The following KIF13A variants were observed in gnomAD, a reference collection of about 807,000 sequenced individuals.
KIF13A encodes the protein kinesin-like protein KIF13A.
In KIF13A, 79 loss-of-function variants were observed where a neutral mutation model predicts 212.2. The observed-to-expected ratio is 0.37, with a 90% CI of 0.31 to 0.45. The LOEUF is 0.45. KIF13A is among the 20% of genes least tolerant of loss of function. KIF13A has a pLI of 1.00. For synonymous variants in KIF13A, 789 were observed against 808.6 expected, an observed-to-expected ratio of 0.98 and a Z score of 0.41; for missense variants, 1,901 against 2,209.0, an observed-to-expected ratio of 0.86 and a Z score of 2.79.
At chr6:17,882,361 AT>A (rs149040773) in intron 3 of KIF13A, among the ~76,000 whole-genome samples, 1 of 152,128 alleles carries the variant, frequency 6.6e-6, no homozygotes, top group Non-Finnish European at 1.5e-5. Context: ...AAGAAAAGTA[AT>A]TTTTTTCCCT....
chr6:17,898,193 A>G lies in KIF13A; in HGVS notation c.147-13T>C, dbSNP rs201108626. 68 of 1,506,280 alleles carry G rather than the reference A, an allele frequency of 4.5e-5. No individual in the cohort carries two copies. The East Asian group carries it at 1.0e-3, about 23-fold the overall frequency. The allele number at this position is 1,506,280 out of a possible 1,614,324, so 93.3% of individuals were successfully genotyped here. A position where few individuals can be genotyped will look rare whatever the true frequency, so the allele number is the denominator to read the frequency against. On this transcript the variant is annotated splice_polypyrimidine_tract_variant and intron_variant, in intron 2 of 38. Transcript: ENST00000259711. The surrounding 1 kb of genome is among the most constrained non-coding windows in gnomAD (Gnocchi z 5.2). ...CTTGGGAGGTTTCCTTAATGATGGG[A>G]AAAAAAAAATTCAGCAGCAGGGATA...
chr6:17,974,166 C>T (rs1780064523), intron 2 of KIF13A, among the ~76,000 whole-genome samples: 1 of 152,176 alleles, frequency 6.6e-6, no homozygotes, highest in Non-Finnish European at 1.5e-5. Context: ...ACTGCAACCT[C>T]CACCTCCCGG....
intron 25 of KIF13A, among the ~76,000 whole-genome samples, chr6:17,790,488 A>G (rs1761439608): frequency 6.6e-6 from 1 of 152,214 alleles, no homozygotes; most frequent in Admixed American, 6.5e-5. Context: ...CCACTGTCAT[A>G]CAGACAGCTG....
chr6:17,921,052 C>T (rs1775028708), intron 2 of KIF13A, among the ~76,000 whole-genome samples: 2 of 152,086 alleles, frequency 1.3e-5, no homozygotes, highest in South Asian at 2.1e-4. Flanking sequence ...CCAATGGAAA[C>T]AATGAAAAAT....
chr6:17,771,502 G>T lies in KIF13A; in HGVS notation c.4477-284C>A. The T allele has an allele frequency of 4.8e-6, 2 of 418,332 alleles. No homozygotes were observed. Among genetic ancestry groups the T allele is most frequent in the East Asian group, 4.2e-5 (1 of 23,906 alleles). 25.9% of individuals were successfully genotyped at this position (418,332 alleles called of 1,614,324 possible). On this transcript the variant is annotated intron_variant, in intron 37 of 38. Coordinates refer to ENST00000259711, the MANE Select transcript of KIF13A (RefSeq NM_022113.6). The surrounding 1 kb of genome is among the most constrained non-coding windows in gnomAD (Gnocchi z 5.4). ...AGTGCCTTGGGAGGCTGGGGCAAAAGAATCACTTGAGGCCAGGAGTTTCAG... is the reference window on the plus strand; with the variant it reads ...AGTGCCTTGGGAGGCTGGGGCAAAATAATCACTTGAGGCCAGGAGTTTCAG...
At chr6:17,813,652 CT>C (rs1267048085) in intron 17 of KIF13A, among the ~76,000 whole-genome samples, 1 of 152,156 alleles carries the variant, frequency 6.6e-6, no homozygotes, top group Non-Finnish European at 1.5e-5. Flanking sequence ...GCAGGGTTCC[CT>C]TTTCTCCTCT....
chr6:17,787,792 T>C lies in KIF13A; in HGVS notation c.3345A>G (p.Lys1115=), dbSNP rs758889525. Reference sequence around the variant, plus strand: ...CTCACATACCTGTTTTATTGCTGACTTTTTTTATCTGTTCATCCAGGTATT... The same window carrying C: ...CTCACATACCTGTTTTATTGCTGACCTTTTTTATCTGTTCATCCAGGTATT... ...RREYLDEQIK[K]VSNKTEKTED... is the part of the protein sequence containing the mutation. The change falls in exon 27 of 39, where the codon AAA becomes AAG. Residue 1115 remains lysine (K), a synonymous_variant. Coordinates refer to ENST00000259711, the MANE Select transcript of KIF13A (RefSeq NM_022113.6). The surrounding 1 kb of genome is among the most constrained non-coding windows in gnomAD (Gnocchi z 4.6). 3.1e-6 allele frequency: 5 copies of C among 1,607,616 alleles called. No homozygotes were observed. Among genetic ancestry groups the C allele is most frequent in the Non-Finnish European group, 2.6e-6 (3 of 1,174,146 alleles).
intron 12 of KIF13A, among the ~76,000 whole-genome samples, chr6:17,831,753 T>A (rs1765476250): frequency 6.8e-6 from 1 of 147,806 alleles, no homozygotes; most frequent in Non-Finnish European, 1.5e-5. Flanking sequence ...CCCTGGCAAA[T>A]ATCAGAAAGC....
rs1771723190 is a variant in KIF13A, at chr6:17,888,168, C to T, written c.159+10000G>A. Among the ~76,000 whole-genome samples the T allele has an allele frequency of 6.6e-6, 1 of 152,062 alleles. No individual in the cohort carries two copies. On this transcript the variant is annotated intron_variant, in intron 3 of 38. Transcript: ENST00000259711. The surrounding 1 kb of genome is among the most constrained non-coding windows in gnomAD (Gnocchi z 4.8). ...GATGATGTTACCATAATCTATTTTC[C>T]ACTACTTAGATTATAGTATATCTAA...
At chr6:17,770,364 T>TTTTA (rs1759387980) in intron 38 of KIF13A, 1 of 15,340 alleles carries the variant, frequency 6.5e-5, no homozygotes, top group Non-Finnish European at 1.2e-4. Context: ...AAACAGGATT[T>TTTTA]TTTTTTTTTT....
chr6:17,846,513 A>C (rs1161761812), intron 9 of KIF13A, among the ~76,000 whole-genome samples: 1 of 151,290 alleles, frequency 6.6e-6, no homozygotes, highest in East Asian at 1.9e-4. Flanking sequence ...CACACCTATA[A>C]CCCTAGCACT....
Position 17,850,502 on chromosome 6 carries a change from A to AAC in KIF13A, c.583-46_583-45insGT. The AAC allele has an allele frequency of 6.4e-7, 1 of 1,567,034 alleles. No individual in the cohort carries two copies. The highest frequency in any genetic ancestry group is 1.4e-5 in the African/African-American group (1 of 73,974). On this transcript the variant is annotated intron_variant, in intron 7 of 38. Coordinates refer to ENST00000259711, the MANE Select transcript of KIF13A (RefSeq NM_022113.6). This position sits in a 1 kb window ranked among gnomAD's most constrained non-coding sequence, Gnocchi z 6.2. The stretch of plus-strand genomic sequence containing the variant: ...AAAAGACCATAAGCAAAAACACAAG[A>AAC]ATGTAGTCCTGCACACCAGGTATAT...
At chr6:17,802,586 GGCCAA>G (rs1762562655) in intron 20 of KIF13A, among the ~76,000 whole-genome samples, 1 of 151,846 alleles carries the variant, frequency 6.6e-6, no homozygotes, top group African/African-American at 2.4e-5. Context: ...CACCACACCC[GGCCAA>G]GCTTTTTTTT....
At position 17,883,117 on chromosome 6, in the gene KIF13A, TGA is replaced by T. The variant is rs1425502276; in HGVS notation, c.160-9682_160-9681del. On this transcript the variant is annotated intron_variant, in intron 3 of 38. Transcript: ENST00000259711. The surrounding 1 kb of genome is among the most constrained non-coding windows in gnomAD (Gnocchi z 4.8). ...GCTCATGCCTATAATCCCAGTGTTT[TGA>T]GAGGCTGAGACTGAAGGATCACTTG... is the stretch of plus-strand genomic sequence containing the variant. 6.6e-6 allele frequency among the ~76,000 whole-genome samples: 1 copy of T among 152,192 alleles called. No individual in the cohort carries two copies. Among genetic ancestry groups the T allele is most frequent in the African/African-American group, 2.4e-5 (1 of 41,452 alleles).
At chr6:17,763,563 G>C (rs1336585989), downstream of KIF13A, 1 of 152,558 alleles carries the variant, frequency 6.6e-6, no homozygotes. Flanking sequence ...ACTGCTGCTG[G>C]AATTTGCCTA....
chr6:17,962,363 T>A (rs1778893154), intron 2 of KIF13A, among the ~76,000 whole-genome samples: 1 of 150,850 alleles, frequency 6.6e-6, no homozygotes, highest in Admixed American at 6.6e-5. Flanking sequence ...AGGCTTGAAA[T>A]GTCCATAAAA....
At position 17,789,103 on chromosome 6, in the gene KIF13A, C is replaced by G. The variant is rs1761319636; in HGVS notation, c.3261+769G>C. Among the ~76,000 whole-genome samples the G allele has an allele frequency of 6.6e-6, 1 of 152,200 alleles. No homozygotes were observed. Among genetic ancestry groups the G allele is most frequent in the South Asian group, 2.1e-4 (1 of 4,834 alleles). On this transcript the variant is annotated intron_variant, in intron 26 of 38. Transcript: ENST00000259711. This position sits in a 1 kb window ranked among gnomAD's most constrained non-coding sequence, Gnocchi z 4.8. ...TGTGTATGGAGAATCCGTACAAAGACTGGGAACCGAACCCAGAAAGCTTCA... is the reference window on the plus strand; with the variant it reads ...TGTGTATGGAGAATCCGTACAAAGAGTGGGAACCGAACCCAGAAAGCTTCA...
At chr6:17,807,140 G>A (rs1763033390) in intron 18 of KIF13A, among the ~76,000 whole-genome samples, 1 of 152,130 alleles carries the variant, frequency 6.6e-6, no homozygotes, top group African/African-American at 2.4e-5. Context: ...TGAACAATAT[G>A]AAATCAGTGC....
At chr6:17,840,387 A>AT (rs11395161) in intron 9 of KIF13A, among the ~76,000 whole-genome samples, 4,556 of 152,182 alleles carry the variant, frequency 0.03, 260 homozygotes, top group African/African-American at 0.1. Flanking sequence ...AATACAGGGC[A>AT]TTTTTTTCAC....
Sources: allele counts gnomAD v4.1 joint callset (sites outside exome capture counted in the v4.1 genomes callset), GRCh38; gene constraint gnomAD v4.1.1; non-coding constraint Gnocchi (gnomAD v3.1); transcripts MANE v1.5; gene names NCBI Gene and HGNC (gene_info 2026-07-23, HGNC 2026-07-21).